GPHN: variants seen among roughly 807,000 people sequenced by gnomAD.
The protein encoded by GPHN is gephyrin.
In GPHN, 17 loss-of-function variants were observed where a neutral mutation model predicts 95.5. That is an observed-to-expected ratio of 0.18 (90% CI 0.12 to 0.27). GPHN has a LOEUF of 0.27. Ranked by LOEUF, GPHN falls within the 10% of genes least tolerant of loss-of-function variation. The pLI is 1.00. For synonymous variants in GPHN, 320 were observed against 322.5 expected, an observed-to-expected ratio of 0.99 and a Z score of 0.08; for missense variants, 660 against 978.1, an observed-to-expected ratio of 0.67 and a Z score of 4.34.
intron 4 of GPHN, among the ~76,000 whole-genome samples, chr14:66,833,428 T>TA (rs1285374246): frequency 6.6e-6 from 1 of 152,128 alleles, no homozygotes; most frequent in Admixed American, 6.6e-5. Flanking sequence ...TTATGGGAAT[T>TA]ACAATTCAAG....
At chr14:66,548,721 TC>T (rs1464620120) in intron 1 of GPHN, among the ~76,000 whole-genome samples, 14 of 152,134 alleles carry the variant, frequency 9.2e-5, no homozygotes, top group Non-Finnish European at 2.1e-4. Context: ...GTGAGACACA[TC>T]CCTCAGATTA....
the GPHN span, among the ~76,000 whole-genome samples, chr14:67,223,027 T>G: frequency 5.9e-5 from 7 of 117,654 alleles, no homozygotes. Flanking sequence ...TGAGATGGGG[T>G]CTCCCTCTTT....
intron 10 of GPHN, among the ~76,000 whole-genome samples, chr14:67,042,729 A>G (rs1594909640): frequency 6.6e-6 from 1 of 152,152 alleles, no homozygotes; most frequent in African/African-American, 2.4e-5. Context: ...TTTTGGTTCC[A>G]TATGAAGTTT....
chr14:67,284,050 G>A, the GPHN span, among the ~76,000 whole-genome samples: 10 of 151,908 alleles, frequency 6.6e-5, no homozygotes, highest in African/African-American at 1.9e-4. Context: ...TCTGAGCCTC[G>A]GTTTCAGGAT....
At chr14:67,317,249 G>A in the GPHN span, among the ~76,000 whole-genome samples, 3 of 152,148 alleles carry the variant, frequency 2.0e-5, no homozygotes, top group African/African-American at 7.2e-5. Context: ...GATCACTTGA[G>A]GCCAGGAGTT....
intron 8 of GPHN, among the ~76,000 whole-genome samples, chr14:66,962,895 A>C (rs1432512486): frequency 6.6e-6 from 1 of 151,896 alleles, no homozygotes; most frequent in African/African-American, 2.4e-5. Context: ...GAAAATGAAA[A>C]GAGGTGCTGT....
At chr14:67,275,057 A>G in the GPHN span, among the ~76,000 whole-genome samples, 1 of 152,236 alleles carries the variant, frequency 6.6e-6, no homozygotes, top group Non-Finnish European at 1.5e-5. Context: ...CAATCATGTC[A>G]TCTGCAAACA....
chr14:67,434,227 T>G, the GPHN span, among the ~76,000 whole-genome samples: 1 of 152,226 alleles, frequency 6.6e-6, no homozygotes, highest in African/African-American at 2.4e-5. Flanking sequence ...TTCAGTGAAT[T>G]TTATAATGTT....
intron 1 of GPHN, among the ~76,000 whole-genome samples, chr14:66,511,740 A>C (rs2058047163): frequency 6.6e-6 from 1 of 152,042 alleles, no homozygotes; most frequent in African/African-American, 2.4e-5. Context: ...TAGAAAGGGA[A>C]ATATTTAGCA....
At chr14:67,334,868 T>C in the GPHN span, 6 of 152,352 alleles carry the variant, frequency 3.9e-5, no homozygotes, top group Admixed American at 2.0e-4. Context: ...TAGTCTATGG[T>C]TGACAATGGA....
chr14:66,923,723 A>T (rs2066336220), intron 7 of GPHN, among the ~76,000 whole-genome samples: 1 of 152,126 alleles, frequency 6.6e-6, no homozygotes, highest in African/African-American at 2.4e-5. Flanking sequence ...AAGATTGAAA[A>T]TTTAATTGCT....
intron 3 of GPHN, among the ~76,000 whole-genome samples, chr14:66,799,857 G>C (rs1345995939): frequency 6.6e-6 from 1 of 151,798 alleles, no homozygotes; most frequent in Non-Finnish European, 1.5e-5. Flanking sequence ...TTTATTATTT[G>C]TTCTCTGGTT....
At chr14:66,777,596 C>G (rs374718269) in intron 3 of GPHN, among the ~76,000 whole-genome samples, 1,830 of 152,192 alleles carry the variant, frequency 0.012, 16 homozygotes, top group Non-Finnish European at 0.018. Flanking sequence ...CAAACCGAAT[C>G]CAGCAGCACA....
At chr14:67,198,895 T>TA in the GPHN span, 2 of 689,554 alleles carry the variant, frequency 2.9e-6, no homozygotes, top group Non-Finnish European at 5.3e-6. Flanking sequence ...GTCATACCTC[T>TA]AAAGTTCCTA....
At chr14:67,218,505 C>A in the GPHN span, among the ~76,000 whole-genome samples, 2 of 152,104 alleles carry the variant, frequency 1.3e-5, no homozygotes, top group African/African-American at 4.8e-5. Flanking sequence ...TGCTTGGCAG[C>A]CTGGGGCATG....
At chr14:67,534,975 G>T in the GPHN span, among the ~76,000 whole-genome samples, 1 of 152,240 alleles carries the variant, frequency 6.6e-6, no homozygotes, top group South Asian at 2.1e-4. Context: ...CATCAATAAG[G>T]AACCCTTCAA....
At chr14:67,448,120 C>CTTTTTTT in the GPHN span, among the ~76,000 whole-genome samples, 6 of 36,078 alleles carry the variant, frequency 1.7e-4, 3 homozygotes, top group African/African-American at 2.0e-4. Flanking sequence ...ATAGCCCATT[C>CTTTTTTT]TTTTTTTTTT....
the GPHN span, among the ~76,000 whole-genome samples, chr14:67,208,734 A>G: frequency 2.6e-5 from 4 of 152,084 alleles, no homozygotes. Flanking sequence ...TGTCTCTACT[A>G]AAAACTACAA....
chr14:66,572,767 C>G (rs902355410), intron 1 of GPHN, among the ~76,000 whole-genome samples: 3 of 151,840 alleles, frequency 2.0e-5, no homozygotes, highest in African/African-American at 7.3e-5. Context: ...TGCCTAATTT[C>G]TCTAACAAAG....
Sources: allele counts gnomAD v4.1 joint callset (sites outside exome capture counted in the v4.1 genomes callset), GRCh38; gene constraint gnomAD v4.1.1; transcripts MANE v1.5; gene names NCBI Gene and HGNC (gene_info 2026-07-23, HGNC 2026-07-21).